The following ARHGAP26 variants were observed in gnomAD, a reference collection of about 807,000 sequenced individuals.
ARHGAP26 encodes rho GTPase-activating protein 26.
In ARHGAP26, 38 loss-of-function variants were observed where a neutral mutation model predicts 104.8. That is an observed-to-expected ratio of 0.36 (90% CI 0.28 to 0.48). The LOEUF is 0.48. ARHGAP26 is among the 20% of genes least tolerant of loss of function. The probability of loss-of-function intolerance (pLI) is 0.99; values close to 1 mark genes in which losing one functional copy is unlikely to be tolerated. For synonymous variants in ARHGAP26, 341 were observed against 340.0 expected, an observed-to-expected ratio of 1.00 and a Z score of -0.03; for missense variants, 704 against 947.9, an observed-to-expected ratio of 0.74 and a Z score of 3.38.
Position 142,858,094 on chromosome 5 carries a change from T to TGTGTGTGTGA in ARHGAP26, c.155-15305_155-15304insTGTGTGTGAG, listed in dbSNP as rs1424264346. Among the ~76,000 whole-genome samples the TGTGTGTGTGA allele has an allele frequency of 5.0e-3, 634 of 127,214 alleles. 6 individuals are homozygous for TGTGTGTGTGA. In the East Asian group the frequency reaches 0.051, roughly 10 times the overall value. 83.5% of individuals were successfully genotyped at this position (127,214 alleles called of 152,430 possible). On this transcript the variant is annotated intron_variant, in intron 1 of 22. Coordinates refer to ENST00000645722, the MANE Select transcript of ARHGAP26 (RefSeq NM_001135608.3). ...GTGTGTGTGTGTGTGTGTGTGTGTG[T>TGTGTGTGTGA]GAGAGAGAGAGAGAGAGGGAGTGTG...
chr5:142,875,680 G>T (rs1197828361), intron 3 of ARHGAP26, among the ~76,000 whole-genome samples: 2 of 152,188 alleles, frequency 1.3e-5, no homozygotes, highest in African/African-American at 4.8e-5. Flanking sequence ...GAGAGGCATT[G>T]TCCACATTTA....
At chr5:143,065,725 G>A (rs1787380189) in intron 17 of ARHGAP26, among the ~76,000 whole-genome samples, 1 of 152,148 alleles carries the variant, frequency 6.6e-6, no homozygotes, top group South Asian at 2.1e-4. Context: ...GTGCAGCCTG[G>A]TAGCCTGGAG....
rs77643113 is a variant in ARHGAP26, at chr5:143,148,938, A to G, written c.1988+1557A>G. Among the ~76,000 whole-genome samples, 1,350 of 152,244 alleles carry G rather than the reference A, an allele frequency of 8.9e-3. 16 individuals are homozygous for G. Among genetic ancestry groups the G allele is most frequent in the African/African-American group, 0.031 (1,283 of 41,544 alleles). On this transcript the variant is annotated intron_variant, in intron 20 of 22. Transcript: ENST00000645722. ...AGCCGCTACCAACTAGTGGTCTGTA[A>G]TTTTCTTTTCAGTGGCTGGTAACTG...
intron 20 of ARHGAP26, among the ~76,000 whole-genome samples, chr5:143,182,372 C>T (rs1032725650): frequency 6.6e-6 from 1 of 152,160 alleles, no homozygotes; most frequent in Non-Finnish European, 1.5e-5. Context: ...AGGTTTCCCT[C>T]TGAAATGTTC....
chr5:142,889,194 G>T (rs1433439326), intron 5 of ARHGAP26, among the ~76,000 whole-genome samples: 1 of 152,220 alleles, frequency 6.6e-6, no homozygotes, highest in Non-Finnish European at 1.5e-5. Flanking sequence ...GCCACATGGG[G>T]ATCAATTCAT....
chr5:142,951,191 C>T (rs1768332202), intron 11 of ARHGAP26, among the ~76,000 whole-genome samples: 2 of 152,178 alleles, frequency 1.3e-5, no homozygotes, highest in African/African-American at 4.8e-5. Context: ...TCCTGAGCAG[C>T]TGAGATTACA....
chr5:142,926,255 T>A (rs1763883238), intron 10 of ARHGAP26, among the ~76,000 whole-genome samples: 1 of 152,166 alleles, frequency 6.6e-6, no homozygotes, highest in African/African-American at 2.4e-5. Context: ...GATGGAGAGC[T>A]GTTTTCTCCA....
At chr5:143,190,014 G>A (rs1240919865) in intron 20 of ARHGAP26, among the ~76,000 whole-genome samples, 2 of 149,668 alleles carry the variant, frequency 1.3e-5, no homozygotes, top group African/African-American at 2.5e-5. Flanking sequence ...CTACATCTTT[G>A]GAGGACAGAA....
intron 1 of ARHGAP26, among the ~76,000 whole-genome samples, chr5:142,845,266 G>A (rs970516811): frequency 6.6e-6 from 1 of 152,134 alleles, no homozygotes; most frequent in Admixed American, 6.5e-5. Context: ...ACCAGGAACT[G>A]TGTCTAGGTG....
rs964818883 is a variant in ARHGAP26, at chr5:142,878,445, G to A, written c.313-929G>A. 2.0e-5 allele frequency among the ~76,000 whole-genome samples: 3 copies of A among 152,174 alleles called. No homozygotes were observed. The East Asian group carries it at 5.8e-4, about 29-fold the overall frequency. The stretch of plus-strand genomic sequence containing the variant: ...CATTTAGTCGTTCAAATATGTTTGA[G>A]TGCTGCTTTGTCTCAGCACTCTTCT... On this transcript the variant is annotated intron_variant, in intron 3 of 22. Coordinates refer to ENST00000645722, the MANE Select transcript of ARHGAP26 (RefSeq NM_001135608.3).
rs1335180599 is a variant in ARHGAP26 at position 143,228,763 on chromosome 5, A to G, written c.*6317A>G. The G allele has an allele frequency of 2.0e-5, 4 of 200,054 alleles. No homozygotes were observed. Among genetic ancestry groups the G allele is most frequent in the East Asian group, 7.8e-5 (1 of 12,854 alleles). 12.4% of individuals were successfully genotyped at this position (200,054 alleles called of 1,614,324 possible). ...ACTATTGACTCGTGCATAGAATCCAATGCTGTAATTAGAAAGTAATCTGTG... is the reference window on the plus strand; with the variant it reads ...ACTATTGACTCGTGCATAGAATCCAGTGCTGTAATTAGAAAGTAATCTGTG... On this transcript the variant is annotated 3_prime_UTR_variant, in exon 23 of 23. Transcript: ENST00000645722.
chr5:142,974,959 C>A (rs1012618303), intron 11 of ARHGAP26, among the ~76,000 whole-genome samples: 6 of 152,116 alleles, frequency 3.9e-5, no homozygotes, highest in African/African-American at 1.4e-4. Flanking sequence ...TGGCTTTTTC[C>A]ATTAATCCTG....
At chr5:143,125,792 G>A (rs2150833227) in intron 18 of ARHGAP26, among the ~76,000 whole-genome samples, 1 of 152,288 alleles carries the variant, frequency 6.6e-6, no homozygotes, top group South Asian at 2.1e-4. Flanking sequence ...ATTGTGCTAA[G>A]CAGCTTTATA....
At chr5:142,814,296 G>C (rs55691649) in intron 1 of ARHGAP26, among the ~76,000 whole-genome samples, 2,294 of 152,330 alleles carry the variant, frequency 0.015, 23 homozygotes, top group South Asian at 0.047. Context: ...CTTCCTGTTA[G>C]ATGTGCTGTA....
At chr5:142,955,250 T>C (rs1478855551) in intron 11 of ARHGAP26, among the ~76,000 whole-genome samples, 1 of 152,018 alleles carries the variant, frequency 6.6e-6, no homozygotes, top group Non-Finnish European at 1.5e-5. Context: ...CAGGGGGCCA[T>C]GATCATTACC....
At chr5:143,142,423 A>T (rs1392743003) in intron 19 of ARHGAP26, among the ~76,000 whole-genome samples, 2 of 152,038 alleles carry the variant, frequency 1.3e-5, no homozygotes, top group African/African-American at 4.8e-5. Flanking sequence ...TACAAGCATG[A>T]GCCACTGCGC....
rs150338067 is a variant in ARHGAP26, at chr5:143,196,624, C to T, written c.1989-10574C>T. Among the ~76,000 whole-genome samples, 1,308 of 152,284 alleles carry T rather than the reference C, an allele frequency of 8.6e-3. 19 individuals carry two copies. Among genetic ancestry groups the T allele is most frequent in the African/African-American group, 0.03 (1,235 of 41,538 alleles). ...ACACACACATTTTCTCTATAAGGCA[C>T]ATTACAACCTTCTTGTGCTTAGGAA... On this transcript the variant is annotated intron_variant, in intron 20 of 22. Transcript: ENST00000645722.
chr5:142,955,095 TAC>T (rs11419144), intron 11 of ARHGAP26, among the ~76,000 whole-genome samples: 189 of 52,162 alleles, frequency 3.6e-3, no homozygotes, highest in African/African-American at 4.2e-3. Context: ...GAGACCTGTC[TAC>T]ACACACACAC....
At chr5:142,969,792 T>G (rs1292589964) in intron 11 of ARHGAP26, among the ~76,000 whole-genome samples, 1 of 151,122 alleles carries the variant, frequency 6.6e-6, no homozygotes, top group Non-Finnish European at 1.5e-5. Flanking sequence ...AGATGAGGAG[T>G]ATGGGTTGAG....
Sources: gnomAD v4.1 joint callset for allele counts (sites outside exome capture counted in the v4.1 genomes callset) on GRCh38, gnomAD v4.1.1 for gene constraint, MANE v1.5 for transcripts, NCBI Gene and HGNC (gene_info 2026-07-23, HGNC 2026-07-21) for gene names.